Variants in CRB1 observed in about 807,000 individuals in gnomAD.
CRB1 encodes protein crumbs homolog 1.
A neutral mutation model predicts 120.0 loss-of-function variants in CRB1; 83 were observed. The ratio of observed to expected loss-of-function variants is 0.69; its 90% CI spans 0.58 to 0.83. The LOEUF (loss-of-function observed/expected upper bound fraction) is 0.83. Ranked by LOEUF, CRB1 falls within the 40% of genes least tolerant of loss-of-function variation. The pLI is 0.00. For missense variants in CRB1, 1,699 were observed against 1,687.6 expected (o/e 1.01, Z -0.12); for synonymous variants, 625 against 612.5 (o/e 1.02, Z -0.30).
At chr1:197,237,174 TATTA>T in the CRB1 span, among the ~76,000 whole-genome samples, 20 of 152,326 alleles carry the variant, frequency 1.3e-4, no homozygotes, top group Admixed American at 1.1e-3. Flanking sequence ...TTCAGAAGAT[TATTA>T]ATTATATTGA....
At chr1:197,250,379 T>C in the CRB1 span, among the ~76,000 whole-genome samples, 1 of 152,040 alleles carries the variant, frequency 6.6e-6, no homozygotes, top group African/African-American at 2.4e-5. Context: ...GTGGCAAATC[T>C]TTTCATAAGA....
At chr1:197,230,965 T>C in the CRB1 span, among the ~76,000 whole-genome samples, 1 of 152,216 alleles carries the variant, frequency 6.6e-6, no homozygotes, top group East Asian at 1.9e-4. Context: ...ATTGTCATGA[T>C]GATCAAATGC....
intron 11 of CRB1, among the ~76,000 whole-genome samples, chr1:197,460,625 C>T (rs1558157132): frequency 1.3e-5 from 2 of 152,102 alleles, no homozygotes; most frequent in South Asian, 4.1e-4. Flanking sequence ...GATGCTGAAA[C>T]GAAGGCCCAA....
At chr1:197,345,967 G>A (rs1184121351) in intron 3 of CRB1, among the ~76,000 whole-genome samples, 2 of 152,150 alleles carry the variant, frequency 1.3e-5, no homozygotes, top group Non-Finnish European at 2.9e-5. Flanking sequence ...CACAGAGACA[G>A]ACAGGTCACA....
At chr1:197,226,268 GT>G in the CRB1 span, among the ~76,000 whole-genome samples, 2 of 152,130 alleles carry the variant, frequency 1.3e-5, no homozygotes, top group African/African-American at 4.8e-5. Context: ...CTTTGAATAT[GT>G]TATTAAGCTA....
At chr1:197,449,798 G>A (rs1354618386) in intron 11 of CRB1, among the ~76,000 whole-genome samples, 1 of 152,186 alleles carries the variant, frequency 6.6e-6, no homozygotes, top group Admixed American at 6.5e-5. Flanking sequence ...TGGGTGACTT[G>A]GAGTGTACGC....
intron 1 of CRB1, among the ~76,000 whole-genome samples, chr1:197,285,430 C>G (rs1655771972): frequency 6.6e-6 from 1 of 151,764 alleles, no homozygotes; most frequent in Admixed American, 6.6e-5. Context: ...GTACAACAGA[C>G]TAGTTAGAAG....
intron 5 of CRB1, among the ~76,000 whole-genome samples, chr1:197,394,051 G>A (rs1305826998): frequency 1.3e-5 from 2 of 151,918 alleles, no homozygotes; most frequent in Admixed American, 1.3e-4. Context: ...GAACAACATG[G>A]GTTTGAACTG....
intron 5 of CRB1, among the ~76,000 whole-genome samples, chr1:197,420,424 A>G (rs1664243703): frequency 6.6e-6 from 1 of 152,226 alleles, no homozygotes; most frequent in African/African-American, 2.4e-5. Flanking sequence ...CATGTTTTAC[A>G]CTGGCATTGC....
chr1:197,377,182 C>T (rs959036445), intron 5 of CRB1, among the ~76,000 whole-genome samples: 1 of 152,090 alleles, frequency 6.6e-6, no homozygotes, highest in African/African-American at 2.4e-5. Flanking sequence ...TTACTTATCA[C>T]TGTGTGATCT....
intron 5 of CRB1, among the ~76,000 whole-genome samples, chr1:197,416,743 T>C (rs1372218833): frequency 2.0e-5 from 3 of 152,196 alleles, no homozygotes; most frequent in African/African-American, 7.2e-5. Flanking sequence ...AGAGTCTCGC[T>C]CTGTTGCCCC....
intron 5 of CRB1, among the ~76,000 whole-genome samples, chr1:197,407,201 C>A (rs1663456719): frequency 6.6e-6 from 1 of 152,150 alleles, no homozygotes; most frequent in Admixed American, 6.5e-5. Flanking sequence ...AGGAAAATTT[C>A]TTGTTGCATA....
In CRB1 at chr1:197,353,662, A is replaced by G. The variant is rs201404244; in HGVS notation, c.989-3169A>G. Among the ~76,000 whole-genome samples, 15 of 152,028 alleles carry G rather than the reference A, an allele frequency of 9.9e-5. No individual in the cohort carries two copies. The East Asian group carries it at 2.7e-3, about 28-fold the overall frequency. ...CTAAACATGCAAAAATTAGCCGGGCATGGTGGCACACGCCTGTAATCCCAG... is the reference window on the plus strand; with the variant it reads ...CTAAACATGCAAAAATTAGCCGGGCGTGGTGGCACACGCCTGTAATCCCAG... On this transcript the variant is annotated intron_variant, in intron 4 of 11. Coordinates refer to ENST00000367400, the MANE Select transcript of CRB1 (RefSeq NM_201253.3).
At chr1:197,368,980 G>A (rs1661224779) in intron 5 of CRB1, among the ~76,000 whole-genome samples, 1 of 152,122 alleles carries the variant, frequency 6.6e-6, no homozygotes. Flanking sequence ...GGAGAGTAAT[G>A]TTTCCTGAGA....
chr1:197,431,375 G>T (rs1027029819), intron 8 of CRB1, among the ~76,000 whole-genome samples: 4 of 152,052 alleles, frequency 2.6e-5, no homozygotes, highest in African/African-American at 9.7e-5. Flanking sequence ...AACATGATGC[G>T]TTGGCATAAA....
At chr1:197,368,962 A>G (rs1260665411) in intron 5 of CRB1, among the ~76,000 whole-genome samples, 1 of 152,192 alleles carries the variant, frequency 6.6e-6, no homozygotes, top group Non-Finnish European at 1.5e-5. Flanking sequence ...CATTTAAAAG[A>G]GCTTTCAGGA....
intron 3 of CRB1, among the ~76,000 whole-genome samples, chr1:197,346,585 C>A (rs1052970320): frequency 6.6e-6 from 1 of 152,214 alleles, no homozygotes; most frequent in East Asian, 1.9e-4. Flanking sequence ...CATAGATATT[C>A]TTTTCCCAAG....
At chr1:197,271,920 A>T (rs1485936415) in intron 1 of CRB1, among the ~76,000 whole-genome samples, 1 of 152,156 alleles carries the variant, frequency 6.6e-6, no homozygotes, top group African/African-American at 2.4e-5. Context: ...TGATCACAAC[A>T]TGTAAAAAAA....
the CRB1 span, among the ~76,000 whole-genome samples, chr1:197,226,673 C>A: frequency 6.6e-6 from 1 of 152,008 alleles, no homozygotes; most frequent in Non-Finnish European, 1.5e-5. Flanking sequence ...TCTCTCTCTC[C>A]GTGTGTGTTC....
Sources: allele counts gnomAD v4.1 joint callset (sites outside exome capture counted in the v4.1 genomes callset), GRCh38; gene constraint gnomAD v4.1.1; transcripts MANE v1.5; gene names NCBI Gene and HGNC (gene_info 2026-07-23, HGNC 2026-07-21).